The following GALNT8 variants were observed in gnomAD, a reference collection of about 807,000 sequenced individuals.
GALNT8 encodes probable polypeptide N-acetylgalactosaminyltransferase 8.
GALNT8 carries 66 observed loss-of-function variants against 62.7 expected under a neutral mutation model. The observed-to-expected ratio is 1.05, with a 90% CI of 0.86 to 1.29. GALNT8 has a LOEUF of 1.29. Among genes scored for constraint, GALNT8 ranks in the 50% most tolerant of loss-of-function variants. The pLI is 0.00. For synonymous variants in GALNT8, 288 were observed against 294.3 expected (o/e 0.98, Z 0.22); for missense variants, 771 against 791.8 (o/e 0.97, Z 0.32).
In GALNT8 at chr12:4,726,715, T is replaced by C; in HGVS notation, c.395T>C (p.Leu132Pro). The C allele has an allele frequency of 1.9e-6, 3 of 1,614,108 alleles. No individual in the cohort carries two copies. Among genetic ancestry groups the C allele is most frequent in the Non-Finnish European group, 2.5e-6 (3 of 1,180,012 alleles). The stretch of plus-strand genomic sequence containing the variant: ...CTTTTCAGGCAATGGGGCGAGGATC[T>C]TTCTGAGGCCCAGCAGAAGGCGGCC... Reference protein sequence around the residue: ...SQLFRQWGEDLSEAQQKAAQD... With the variant: ...SQLFRQWGEDPSEAQQKAAQD... Residue 132 changes from leucine (L) to proline (P), a missense_variant, in exon 2 of 11, where the codon CTT (leucine) becomes CCT (proline). By Grantham distance (98) the Leu-to-Pro change is moderately conservative (BLOSUM62 -3). Transcript: ENST00000252318. This position sits in a 1 kb window ranked among gnomAD's most constrained non-coding sequence, Gnocchi z 4.1.
intron 6 of GALNT8, among the ~76,000 whole-genome samples, chr12:4,750,853 A>G (rs975022550): frequency 2.0e-5 from 3 of 152,032 alleles, no homozygotes; most frequent in African/African-American, 7.2e-5. Context: ...CTTCTTTTTA[A>G]TAATAACCAC....
chr12:4,768,451 A>T (rs1946409373), intron 10 of GALNT8: 1 of 372,224 alleles, frequency 2.7e-6, no homozygotes, highest in Admixed American at 3.1e-5. Flanking sequence ...GCCTACCATT[A>T]CTAAATAAAT....
At chr12:4,767,662 T>C (rs918917712) in intron 10 of GALNT8, among the ~76,000 whole-genome samples, 2 of 152,196 alleles carry the variant, frequency 1.3e-5, no homozygotes, top group African/African-American at 4.8e-5. Flanking sequence ...TCTCTGTCAA[T>C]GGCAGTCACC....
intron 6 of GALNT8, among the ~76,000 whole-genome samples, chr12:4,758,637 T>TGAGA (rs60343127): frequency 8.5e-4 from 51 of 59,736 alleles, no homozygotes; most frequent in African/African-American, 2.6e-3. Context: ...TGTGTGTGTG[T>TGAGA]GAGAGAGAGA....
At position 4,745,607 on chromosome 12, in the gene GALNT8, G is replaced by A. The variant is rs1437691590; in HGVS notation, c.1039G>A (p.Asp347Asn). The A allele has an allele frequency of 1.2e-6, 2 of 1,613,698 alleles. No homozygotes were observed. The highest frequency in any genetic ancestry group is 2.2e-5 in the East Asian group (1 of 44,880). Residue 347 changes from aspartate to asparagine, a missense_variant, in exon 5 of 11, where the codon GAT (aspartate) becomes AAT (asparagine). Physicochemically the swap from Asp to Asn is conservative, Grantham distance 23 (BLOSUM62 1). Coordinates refer to ENST00000252318, the MANE Select transcript of GALNT8 (RefSeq NM_017417.2). ...ALPQAWIDLH[D>N]VTAPVKSPSI... ...GCCACAAGCCTGGATTGATCTGCAT[G>A]ATGTCACTGCCCCAGTGAAGTAAGT...
intron 10 of GALNT8, 75 bp from the exon 11 acceptor site, chr12:4,772,370 G>A: frequency 7.6e-7 from 1 of 1,312,786 alleles, no homozygotes; most frequent in Admixed American, 1.7e-5. Context: ...AGCACAGCAG[G>A]GAGAGCAGGG....
intron 3 of GALNT8, 107 bp from the exon 4 acceptor site, chr12:4,744,410 A>G (rs1402352575): frequency 2.7e-6 from 2 of 731,400 alleles, no homozygotes; most frequent in Non-Finnish European, 4.4e-6. Context: ...AGAATTGCCC[A>G]TTTTATGCTG....
rs758741958 is a variant in GALNT8, at chr12:4,744,508, G to C, written c.677-9G>C. On this transcript the variant is annotated splice_polypyrimidine_tract_variant and intron_variant, in intron 3 of 10. Transcript: ENST00000252318. The stretch of plus-strand genomic sequence containing the variant: ...TCAGAATTTCTATAGGTGTGCACTT[G>C]ATTGACAGGAGAACTAAAGGTACAC... The C allele has an allele frequency of 2.5e-6, 4 of 1,592,742 alleles. No individual in the cohort carries two copies. In the African/African-American group the frequency reaches 5.4e-5, roughly 21 times the overall value.
intron 2 of GALNT8, among the ~76,000 whole-genome samples, chr12:4,729,773 G>C (rs1946213038): frequency 6.6e-6 from 1 of 152,108 alleles, no homozygotes; most frequent in Non-Finnish European, 1.5e-5. Context: ...TCATACAGTA[G>C]TTCCATTTTT....
At chr12:4,763,180 A>C in intron 7 of GALNT8, 73 bp from the exon 8 acceptor site, 1 of 1,249,912 alleles carries the variant, frequency 8.0e-7, no homozygotes, top group South Asian at 1.3e-5. Flanking sequence ...AGTCCTTCTC[A>C]GGCCATATTT....
chr12:4,745,399 A>G lies in GALNT8; in HGVS notation c.861-30A>G, dbSNP rs992110724. 1.2e-5 allele frequency: 17 copies of G among 1,473,772 alleles called. No homozygotes were observed. In the African/African-American group the frequency reaches 1.5e-4, roughly 13 times the overall value. The allele number at this position is 1,473,772 out of a possible 1,614,324, so 91.3% of individuals were successfully genotyped here. On this transcript the variant is annotated intron_variant, in intron 4 of 10. Transcript: ENST00000252318. ...CCCCTACTGCTTGTCCTCATATCCA[A>G]GCTGGGCTTTCTGCACACTCTTGTT...
At position 4,739,147 on chromosome 12, in the gene GALNT8, A is replaced by G; in HGVS notation, c.510-16A>G. On this transcript the variant is annotated splice_polypyrimidine_tract_variant and intron_variant, in intron 2 of 10. Transcript: ENST00000252318. ...ATTAAAAAAAAATAATATGTTATAA[A>G]AATGGTCTCTTATAGATGTCTTCGG... is the stretch of plus-strand genomic sequence containing the variant. The G allele has an allele frequency of 6.5e-7, 1 of 1,532,110 alleles. No homozygotes were observed. Among genetic ancestry groups the G allele is most frequent in the Non-Finnish European group, 8.9e-7 (1 of 1,122,934 alleles). The allele number at this position is 1,532,110 out of a possible 1,614,324, so 94.9% of individuals were successfully genotyped here.
chr12:4,767,732 C>T (rs943564312), intron 10 of GALNT8, among the ~76,000 whole-genome samples: 12 of 152,076 alleles, frequency 7.9e-5, no homozygotes, highest in African/African-American at 2.7e-4. Flanking sequence ...TTTTTGATGG[C>T]CTTAATCATA....
chr12:4,756,317 GAGAC>G (rs755361468), intron 6 of GALNT8, among the ~76,000 whole-genome samples: 7 of 152,194 alleles, frequency 4.6e-5, no homozygotes, highest in Non-Finnish European at 1.0e-4. Flanking sequence ...ACAGGTGTTG[GAGAC>G]AGACAGACTT....
chr12:4,742,611 G>C (rs145807832), intron 3 of GALNT8, among the ~76,000 whole-genome samples: 1,692 of 152,312 alleles, frequency 0.011, 26 homozygotes, highest in Non-Finnish European at 0.02. Flanking sequence ...CACGGTGTGG[G>C]GGTGTGGGGT....
At chr12:4,738,731 A>G (rs898313930) in intron 2 of GALNT8, among the ~76,000 whole-genome samples, 2 of 152,178 alleles carry the variant, frequency 1.3e-5, no homozygotes, top group African/African-American at 4.8e-5. Flanking sequence ...ACCATATGGT[A>G]AGCATTTAGT....
intron 3 of GALNT8, among the ~76,000 whole-genome samples, chr12:4,743,488 A>G (rs1191371318): frequency 6.6e-6 from 1 of 152,214 alleles, no homozygotes; most frequent in Non-Finnish European, 1.5e-5. Flanking sequence ...AGGTCTCACA[A>G]ATATGCTCGT....
rs375631897 is a variant in GALNT8, at chr12:4,745,449, G to A, written c.881G>A (p.Arg294Gln). ...NVGWAEPILA[R>Q]IQEDRTVIVS... ...TCTAGGGCAGAGCCAATCTTGGCTC[G>A]GATTCAGGAGGACCGCACTGTGATT... Residue 294 changes from arginine to glutamine, a missense_variant, in exon 5 of 11, where the codon CGG (arginine) becomes CAG (glutamine). By Grantham distance (43) the Arg-to-Gln change is conservative. Transcript: ENST00000252318. 3.5e-5 allele frequency: 56 copies of A among 1,610,732 alleles called. No individual in the cohort carries two copies. The highest frequency in any genetic ancestry group is 8.3e-5 in the Admixed American group (5 of 59,982).
chr12:4,733,211 T>C (rs1946228274), intron 2 of GALNT8, among the ~76,000 whole-genome samples: 1 of 152,270 alleles, frequency 6.6e-6, no homozygotes, highest in Non-Finnish European at 1.5e-5. Flanking sequence ...GATAGGCACA[T>C]GTGGCTAGTA....
Sources: gnomAD v4.1 joint callset for allele counts (sites outside exome capture counted in the v4.1 genomes callset) on GRCh38, gnomAD v4.1.1 for gene constraint, Gnocchi (gnomAD v3.1) non-coding constraint, MANE v1.5 for transcripts, NCBI Gene and HGNC (gene_info 2026-07-23, HGNC 2026-07-21) for gene names.